TMCC1: variants seen among roughly 807,000 people sequenced by gnomAD.
The protein encoded by TMCC1 is transmembrane and coiled-coil domain family 1, also known as transmembrane and coiled-coil domains protein 1.
Under a neutral mutation model 52.4 loss-of-function variants are expected in TMCC1, and 15 were observed. The observed-to-expected ratio is 0.29, with a 90% CI of 0.19 to 0.44. TMCC1 has a LOEUF of 0.44. Among genes scored for constraint, TMCC1 ranks in the 20% least tolerant of loss-of-function variants. TMCC1 has a pLI of 1.00. For synonymous variants in TMCC1, 279 were observed against 301.9 expected (o/e 0.92, Z 0.79); for missense variants, 503 against 806.0 (o/e 0.62, Z 4.55).
chr3:129,848,787 T>C (rs1422457868), intron 2 of TMCC1, among the ~76,000 whole-genome samples: 1 of 152,234 alleles, frequency 6.6e-6, no homozygotes, highest in Non-Finnish European at 1.5e-5. Flanking sequence ...CATATTCTCA[T>C]GAAGGACTAT....
At chr3:129,840,200 G>A (rs1437081145) in intron 2 of TMCC1, among the ~76,000 whole-genome samples, 2 of 151,604 alleles carry the variant, frequency 1.3e-5, no homozygotes, top group Non-Finnish European at 2.9e-5. Flanking sequence ...GGTGGCATAT[G>A]CCTGTAAGTC....
At position 129,708,806 on chromosome 3, in the gene TMCC1, T is replaced by C; in HGVS notation, c.577-37542A>G. 1.3e-5 allele frequency among the ~76,000 whole-genome samples: 2 copies of C among 152,208 alleles called. 1 individual carries two copies. Among genetic ancestry groups the C allele is most frequent in the Non-Finnish European group, 2.9e-5 (2 of 68,040 alleles). ...ATCACTTATTACTTTCCCCCAAAGA[T>C]ATCACAAAAGTCTCTGTTAAATGAC... On this transcript the variant is annotated intron_variant, in intron 4 of 6. Transcript: ENST00000393238.
rs181267382 is a variant in TMCC1 at position 129,647,859 on chromosome 3, C to G, written c.*3622G>C. 1 of 152,692 alleles carries G rather than the reference C, an allele frequency of 6.5e-6. No individual in the cohort carries two copies. Among genetic ancestry groups the G allele is most frequent in the Admixed American group, 6.5e-5 (1 of 15,288 alleles). The allele number at this position is 152,692 out of a possible 1,614,324, so 9.5% of individuals were successfully genotyped here. A position where few individuals can be genotyped will look rare whatever the true frequency, so the allele number is the denominator to read the frequency against. On this transcript the variant is annotated 3_prime_UTR_variant, in exon 7 of 7. Transcript: ENST00000393238. The stretch of plus-strand genomic sequence containing the variant: ...AGTGCTGCTGAGAATCTGCAGCGAC[C>G]AGACAGAACATAAATTTAAATCTCT...
chr3:129,848,000 T>C (rs2059743525), intron 2 of TMCC1: 1 of 152,222 alleles, frequency 6.6e-6, no homozygotes, highest in Non-Finnish European at 1.5e-5. Flanking sequence ...TTCCCCCTTT[T>C]CTTATGGGGT....
At chr3:129,809,879 T>A (rs2057704231) in intron 4 of TMCC1, among the ~76,000 whole-genome samples, 1 of 151,624 alleles carries the variant, frequency 6.6e-6, no homozygotes, top group Admixed American at 6.6e-5. Flanking sequence ...ACAAAGCAAG[T>A]TACTCATCTA....
intron 4 of TMCC1, among the ~76,000 whole-genome samples, chr3:129,820,028 T>G (rs1477533032): frequency 6.6e-6 from 1 of 150,652 alleles, no homozygotes; most frequent in African/African-American, 2.4e-5. Context: ...ACCTCAGAAT[T>G]TCTTATCTAG....
intron 4 of TMCC1, among the ~76,000 whole-genome samples, chr3:129,760,401 A>AGTGTGTGTGTGTGTGTGTGTGT (rs200322394): frequency 2.2e-5 from 3 of 137,874 alleles, no homozygotes; most frequent in African/African-American, 8.2e-5. Flanking sequence ...ACGCCAGGCT[A>AGTGTGTGTGTGTGTGTGTGTGT]GTGTGTGTGT....
rs775567327 is a variant in TMCC1 at position 129,880,301 on chromosome 3, C to T, written c.-184+8G>A. On this transcript the variant is annotated splice_region_variant and intron_variant, in intron 2 of 6. Transcript: ENST00000393238. ...TGTGATTTTGCAGTAGAAGAAAAAA[C>T]GACATACCTCCTCAAAATCCCAGCA... The T allele has an allele frequency of 6.6e-6, 1 of 152,152 alleles. No homozygotes were observed. Among genetic ancestry groups the T allele is most frequent in the Non-Finnish European group, 1.5e-5 (1 of 68,024 alleles). 9.4% of individuals were successfully genotyped at this position (152,152 alleles called of 1,614,324 possible). A position where few individuals can be genotyped will look rare whatever the true frequency, so the allele number is the denominator to read the frequency against.
At chr3:129,792,498 G>A (rs1425345551) in intron 4 of TMCC1, among the ~76,000 whole-genome samples, 6 of 151,918 alleles carry the variant, frequency 3.9e-5, no homozygotes, top group East Asian at 1.9e-4. Flanking sequence ...CCACAGGCAC[G>A]CACCACCATG....
intron 2 of TMCC1, among the ~76,000 whole-genome samples, chr3:129,837,071 ACT>A (rs1231046499): frequency 6.6e-5 from 10 of 152,146 alleles, no homozygotes; most frequent in African/African-American, 2.4e-4. Context: ...ATCCATCTTC[ACT>A]GTTTCTCTAA....
intron 4 of TMCC1, among the ~76,000 whole-genome samples, chr3:129,680,481 CAG>C (rs1195084545): frequency 4.6e-5 from 7 of 152,174 alleles, no homozygotes; most frequent in Non-Finnish European, 7.3e-5. Flanking sequence ...CAATAAGCAG[CAG>C]AGTCAGGATT....
chr3:129,769,813 G>T (rs552907955), intron 4 of TMCC1, among the ~76,000 whole-genome samples: 1 of 152,092 alleles, frequency 6.6e-6, no homozygotes, highest in East Asian at 1.9e-4. Flanking sequence ...ACTCCTCAGG[G>T]GACATAAGCT....
chr3:129,878,068 C>T (rs2061305031), intron 2 of TMCC1, among the ~76,000 whole-genome samples: 1 of 151,986 alleles, frequency 6.6e-6, no homozygotes, highest in Non-Finnish European at 1.5e-5. Flanking sequence ...AAGTGATTCT[C>T]CTGCCTCAGC....
intron 4 of TMCC1, among the ~76,000 whole-genome samples, chr3:129,791,357 T>C (rs542707941): frequency 1.3e-5 from 2 of 152,092 alleles, no homozygotes; most frequent in South Asian, 4.1e-4. Flanking sequence ...CCTCCCAAAG[T>C]GCTGGGATTA....
chr3:129,867,371 T>C (rs187713720), intron 2 of TMCC1, among the ~76,000 whole-genome samples: 7 of 152,328 alleles, frequency 4.6e-5, no homozygotes, highest in Admixed American at 2.6e-4. Flanking sequence ...CAAATCCTCC[T>C]GTAATCGCTT....
Position 129,705,539 on chromosome 3 carries a change from T to A in TMCC1, c.577-34275A>T, listed in dbSNP as rs576386692. On this transcript the variant is annotated intron_variant, in intron 4 of 6. Transcript: ENST00000393238. ...AGCCTTCAAATCTTGATTTTATTTA[T>A]CAGAATTTGACAACAGATGTCATGC... Among the ~76,000 whole-genome samples the A allele has an allele frequency of 7.2e-5, 11 of 152,224 alleles. 1 individual carries two copies. The South Asian group carries it at 2.3e-3, about 32-fold the overall frequency.
intron 4 of TMCC1, among the ~76,000 whole-genome samples, chr3:129,722,887 T>G (rs1354017976): frequency 6.6e-6 from 1 of 152,210 alleles, no homozygotes; most frequent in Non-Finnish European, 1.5e-5. Flanking sequence ...AGTTGGCATT[T>G]AAATTATCAA....
chr3:129,654,553 C>T (rs993418952), intron 6 of TMCC1, among the ~76,000 whole-genome samples: 2 of 152,172 alleles, frequency 1.3e-5, no homozygotes, highest in African/African-American at 2.4e-5. Context: ...TACTGCCTCA[C>T]GGGTTATTCT....
chr3:129,706,200 T>C (rs1336757363), intron 4 of TMCC1, among the ~76,000 whole-genome samples: 1 of 151,658 alleles, frequency 6.6e-6, no homozygotes, highest in East Asian at 1.9e-4. Flanking sequence ...AAAACACTTT[T>C]TTATTTTTTA....
Sources: gnomAD v4.1 joint callset for allele counts (sites outside exome capture counted in the v4.1 genomes callset) on GRCh38, gnomAD v4.1.1 for gene constraint, MANE v1.5 for transcripts, NCBI Gene and HGNC (gene_info 2026-07-23, HGNC 2026-07-21) for gene names.